The following FBXL20 variants were observed in gnomAD, a reference collection of about 807,000 sequenced individuals.
FBXL20 encodes the protein F-box/LRR-repeat protein 20.
FBXL20 carries 11 observed loss-of-function variants against 64.0 expected under a neutral mutation model. The observed-to-expected ratio is 0.17, with a 90% CI of 0.11 to 0.28. FBXL20 has a LOEUF of 0.28. Among genes scored for constraint, FBXL20 ranks in the 10% least tolerant of loss-of-function variants. FBXL20 has a pLI of 1.00. For synonymous variants in FBXL20, 184 were observed against 189.0 expected (o/e 0.97, Z 0.22); for missense variants, 303 against 526.2 (o/e 0.58, Z 4.15).
At chr17:39,292,420 T>A (rs947666882) in intron 6 of FBXL20, among the ~76,000 whole-genome samples, 1 of 151,000 alleles carries the variant, frequency 6.6e-6, no homozygotes, top group African/African-American at 2.5e-5. Context: ...TCTTGATAGG[T>A]TGCCCAGGCT....
intron 2 of FBXL20, among the ~76,000 whole-genome samples, chr17:39,310,828 T>A (rs2047228360): frequency 6.6e-6 from 1 of 151,746 alleles, no homozygotes; most frequent in African/African-American, 2.4e-5. Flanking sequence ...TCTACTAAAA[T>A]ACAAAAATTA....
intron 1 of FBXL20, among the ~76,000 whole-genome samples, chr17:39,390,361 G>C (rs1448620726): frequency 6.6e-6 from 1 of 151,894 alleles, no homozygotes; most frequent in Non-Finnish European, 1.5e-5. Flanking sequence ...ATGAGTTCAA[G>C]ACTAGCCTGA....
At chr17:39,327,793 C>G (rs887971697) in intron 2 of FBXL20, among the ~76,000 whole-genome samples, 1 of 152,044 alleles carries the variant, frequency 6.6e-6, no homozygotes, top group South Asian at 2.1e-4. Flanking sequence ...CTCCACCTCC[C>G]GGGTTCATGC....
intron 2 of FBXL20, among the ~76,000 whole-genome samples, chr17:39,342,835 T>C (rs1463556513): frequency 1.3e-5 from 2 of 152,194 alleles, no homozygotes; most frequent in African/African-American, 2.4e-5. Flanking sequence ...TAAGCCGTGA[T>C]TGCGCCACTG....
At chr17:39,335,505 C>A (rs2047511666) in intron 2 of FBXL20, among the ~76,000 whole-genome samples, 2 of 150,266 alleles carry the variant, frequency 1.3e-5, no homozygotes, top group South Asian at 4.2e-4. Context: ...ATAGTTTGAA[C>A]CCAGGAGGCG....
At chr17:39,346,467 C>T (rs2047633629) in intron 1 of FBXL20, among the ~76,000 whole-genome samples, 5 of 152,028 alleles carry the variant, frequency 3.3e-5, no homozygotes, top group Admixed American at 3.3e-4. Context: ...CCTAAAGACA[C>T]CGAACTCTGG....
intron 1 of FBXL20, among the ~76,000 whole-genome samples, chr17:39,390,621 G>A (rs950949045): frequency 6.6e-6 from 1 of 152,046 alleles, no homozygotes; most frequent in African/African-American, 2.4e-5. Context: ...CAGCTACTGG[G>A]GAGACAGAGG....
chr17:39,402,097 C>T (rs573309110), upstream of FBXL20: 2 of 1,197,524 alleles, frequency 1.7e-6, no homozygotes, highest in Admixed American at 8.5e-5. Flanking sequence ...CGTCGCCCCT[C>T]GTCACTTGTT....
At chr17:39,341,335 G>A (rs1336771944) in intron 2 of FBXL20, among the ~76,000 whole-genome samples, 2 of 152,096 alleles carry the variant, frequency 1.3e-5, no homozygotes, top group African/African-American at 2.4e-5. Context: ...ATGTATATAA[G>A]AGTTATTCCA....
At position 39,320,680 on chromosome 17, in the gene FBXL20, C is replaced by T. The variant is rs796205225; in HGVS notation, c.105-17041G>A. 4.0e-5 allele frequency among the ~76,000 whole-genome samples: 6 copies of T among 151,476 alleles called. No homozygotes were observed. The South Asian group carries it at 8.4e-4, about 21-fold the overall frequency. On this transcript the variant is annotated intron_variant, in intron 2 of 14. Transcript: ENST00000264658. Reference sequence around the variant, plus strand: ...CAAGATCTTGGCTCACTGCAACCTCCGCCTCCCAGGCTCAAGCGATTCTCC... The same window carrying T: ...CAAGATCTTGGCTCACTGCAACCTCTGCCTCCCAGGCTCAAGCGATTCTCC...
chr17:39,330,586 G>A (rs1259184515), intron 2 of FBXL20, among the ~76,000 whole-genome samples: 1 of 152,130 alleles, frequency 6.6e-6, no homozygotes, highest in African/African-American at 2.4e-5. Context: ...TAACACTCCA[G>A]TCTGGGTGAC....
At chr17:39,268,216 G>A (rs2046809386) in intron 12 of FBXL20, among the ~76,000 whole-genome samples, 1 of 152,118 alleles carries the variant, frequency 6.6e-6, no homozygotes, top group African/African-American at 2.4e-5. Flanking sequence ...AGCCGGGTGT[G>A]GTGGCGCATG....
chr17:39,386,021 T>C (rs1490740678), intron 1 of FBXL20, among the ~76,000 whole-genome samples: 6 of 79,140 alleles, frequency 7.6e-5, no homozygotes, highest in Admixed American at 3.3e-4. Context: ...AGAGATTCCG[T>C]CTCAAAAAAA....
chr17:39,401,739 G>C, upstream of FBXL20: 2 of 1,089,278 alleles, frequency 1.8e-6, no homozygotes, highest in African/African-American at 1.7e-5. Context: ...AGGGGCGGGA[G>C]GGGAGGAGCG....
At chr17:39,379,219 AT>A (rs1334456772) in intron 1 of FBXL20, among the ~76,000 whole-genome samples, 3 of 151,026 alleles carry the variant, frequency 2.0e-5, no homozygotes, top group African/African-American at 2.4e-5. Flanking sequence ...CTCAAAAAAA[AT>A]AAATAAATAA....
chr17:39,400,045 TG>T (rs1170621946), intron 1 of FBXL20, among the ~76,000 whole-genome samples: 1 of 152,208 alleles, frequency 6.6e-6, no homozygotes, highest in Admixed American at 6.5e-5. Context: ...TTAACTTTAT[TG>T]GGGCTCTGTA....
intron 1 of FBXL20, among the ~76,000 whole-genome samples, chr17:39,382,092 C>CAAAAA (rs36115875): frequency 1.1e-4 from 8 of 71,416 alleles, no homozygotes; most frequent in African/African-American, 3.8e-4. Context: ...GACTCCGTCT[C>CAAAAA]AAAAAAAAAA....
At chr17:39,383,139 GCA>G (rs2048042614) in intron 1 of FBXL20, among the ~76,000 whole-genome samples, 1 of 144,384 alleles carries the variant, frequency 6.9e-6, no homozygotes, top group African/African-American at 2.6e-5. Context: ...CTCCAGCCTG[GCA>G]ACAGAGTGAG....
At chr17:39,348,077 T>C (rs1216615725) in intron 1 of FBXL20, among the ~76,000 whole-genome samples, 3 of 144,052 alleles carry the variant, frequency 2.1e-5, no homozygotes, top group Admixed American at 7.1e-5. Flanking sequence ...TAAACAAGGT[T>C]GGGTTCGTCT....
Sources: allele counts gnomAD v4.1 joint callset (sites outside exome capture counted in the v4.1 genomes callset), GRCh38; gene constraint gnomAD v4.1.1; transcripts MANE v1.5; gene names NCBI Gene and HGNC (gene_info 2026-07-23, HGNC 2026-07-21).